MEPE: variants seen among roughly 807,000 people sequenced by gnomAD.
MEPE encodes the protein matrix, extracellular phosphoglycoprotein with ASARM motif (bone).
A neutral mutation model predicts 7.3 loss-of-function variants in MEPE; 7 were observed. The ratio of observed to expected loss-of-function variants is 0.95; its 90% CI spans 0.54 to 1.79. The LOEUF (loss-of-function observed/expected upper bound fraction) is 1.79. Among genes scored for constraint, MEPE ranks in the 40% most tolerant of loss-of-function variants. The probability of loss-of-function intolerance (pLI) is 0.00; values close to 1 mark genes in which losing one functional copy is unlikely to be tolerated. For synonymous variants in MEPE, 214 were observed against 213.1 expected, an observed-to-expected ratio of 1.00 and a Z score of -0.04; for missense variants, 623 against 628.2, an observed-to-expected ratio of 0.99 and a Z score of 0.09.
At chr4:87,840,550 A>C (rs1221429208) in intron 3 of MEPE, among the ~76,000 whole-genome samples, 1 of 152,222 alleles carries the variant, frequency 6.6e-6, no homozygotes, top group Non-Finnish European at 1.5e-5. Flanking sequence ...GGAGTTCTTA[A>C]CTGGTGTGTA....
chr4:87,832,448 T>C (rs990233183), upstream of MEPE, among the ~76,000 whole-genome samples: 1 of 152,200 alleles, frequency 6.6e-6, no homozygotes, highest in Non-Finnish European at 1.5e-5. Context: ...CTATCTAATC[T>C]ATTTAACTCA....
chr4:87,834,560 T>C (rs17013218), intron 1 of MEPE, 143 bp from the exon 2 acceptor site: 13,492 of 529,000 alleles, frequency 0.026, 1,458 homozygotes, highest in African/African-American at 0.23. Flanking sequence ...AAGTTATACA[T>C]AGTCTATACA....
intron 1 of MEPE, among the ~76,000 whole-genome samples, chr4:87,824,846 A>T (rs1401906739): frequency 2.0e-5 from 3 of 152,008 alleles, no homozygotes; most frequent in Admixed American, 6.6e-5. Flanking sequence ...CTACATATTT[A>T]TGTATTAGTT....
At chr4:87,835,515 T>C (rs1722753638) in intron 2 of MEPE, among the ~76,000 whole-genome samples, 2 of 152,288 alleles carry the variant, frequency 1.3e-5, no homozygotes, top group South Asian at 2.1e-4. Flanking sequence ...CAAATAGTCA[T>C]CCCATTGCCA....
At chr4:87,834,052 C>T (rs1020123438) in intron 1 of MEPE, among the ~76,000 whole-genome samples, 5 of 152,160 alleles carry the variant, frequency 3.3e-5, no homozygotes, top group South Asian at 2.1e-4. Flanking sequence ...GGCATAGTAA[C>T]GCCGCCTAAC....
intron 1 of MEPE, among the ~76,000 whole-genome samples, chr4:87,826,393 TTTTTG>T (rs1239298461): frequency 6.7e-6 from 1 of 149,422 alleles, no homozygotes; most frequent in Non-Finnish European, 1.5e-5. Context: ...TTTTTTTTTG[TTTTTG>T]TTTTTTGTTT....
At chr4:87,822,411 G>C (rs1265670571) in intron 1 of MEPE, among the ~76,000 whole-genome samples, 1 of 152,064 alleles carries the variant, frequency 6.6e-6, no homozygotes, top group Non-Finnish European at 1.5e-5. Context: ...AGTGGTCCCC[G>C]GGCAGCAGTG....
chr4:87,826,007 G>A (rs1014228698), intron 1 of MEPE, among the ~76,000 whole-genome samples: 1 of 152,118 alleles, frequency 6.6e-6, no homozygotes, highest in Non-Finnish European at 1.5e-5. Flanking sequence ...TCCCTGCAGA[G>A]GACATGATCT....
intron 3 of MEPE, among the ~76,000 whole-genome samples, chr4:87,842,702 GT>G (rs1020960462): frequency 2.0e-5 from 3 of 152,204 alleles, no homozygotes; most frequent in African/African-American, 7.2e-5. Flanking sequence ...TGTTGGGAGG[GT>G]TTCATAGGAA....
chr4:87,846,068 T>C lies in MEPE; in HGVS notation c.1200T>C (p.Pro400=). Residue 400 remains proline, a synonymous_variant, in exon 4 of 4, where the codon CCT becomes CCC. Transcript: ENST00000361056. The part of the protein sequence containing the change: ...AAESTNYNEI[P]KNGKGSTRKG... ...AAAGTACCAACTATAATGAAATTCC[T>C]AAAAATGGCAAAGGCAGTACCAGAA... The C allele has an allele frequency of 6.2e-7, 1 of 1,613,954 alleles. No individual in the cohort carries two copies. Among genetic ancestry groups the C allele is most frequent in the South Asian group, 1.1e-5 (1 of 91,068 alleles).
chr4:87,840,535 T>C lies in MEPE; in HGVS notation c.108+1850T>C, dbSNP rs148943149. Reference sequence around the variant, plus strand: ...TTAAAACATATCCATTTGCCAAATATATGTGGAGTTCTTAACTGGTGTGTA... The same window carrying C: ...TTAAAACATATCCATTTGCCAAATACATGTGGAGTTCTTAACTGGTGTGTA... On this transcript the variant is annotated intron_variant, in intron 3 of 3. Coordinates refer to ENST00000361056, the MANE Select transcript of MEPE (RefSeq NM_020203.6). 2.8e-4 allele frequency among the ~76,000 whole-genome samples: 43 copies of C among 152,268 alleles called. No individual in the cohort carries two copies. The East Asian group carries it at 7.7e-3, about 27-fold the overall frequency.
At chr4:87,840,338 G>A (rs545463536) in intron 3 of MEPE, among the ~76,000 whole-genome samples, 23 of 152,162 alleles carry the variant, frequency 1.5e-4, no homozygotes, top group African/African-American at 4.8e-4. Flanking sequence ...TAGATTCATC[G>A]GCCAAAGGGC....
chr4:87,825,595 T>G (rs942518489), intron 1 of MEPE, among the ~76,000 whole-genome samples: 1 of 152,254 alleles, frequency 6.6e-6, no homozygotes, highest in African/African-American at 2.4e-5. Context: ...GTCCCAGGCT[T>G]AGGCCATAAA....
chr4:87,841,818 C>T (rs1723026686), intron 3 of MEPE, among the ~76,000 whole-genome samples: 1 of 152,124 alleles, frequency 6.6e-6, no homozygotes, highest in Non-Finnish European at 1.5e-5. Flanking sequence ...CAGGGGGGTC[C>T]AGAGTTTGTC....
At chr4:87,829,835 T>G (rs1722554930), upstream of MEPE, among the ~76,000 whole-genome samples, 1 of 151,690 alleles carries the variant, frequency 6.6e-6, no homozygotes, top group South Asian at 2.1e-4. Flanking sequence ...TTCCATTCCC[T>G]TGTTAGCTCC....
intron 3 of MEPE, among the ~76,000 whole-genome samples, chr4:87,843,240 G>A (rs1475889027): frequency 1.3e-5 from 2 of 151,800 alleles, no homozygotes; most frequent in African/African-American, 4.8e-5. Flanking sequence ...TTTTTATTTT[G>A]TTAATCTCCT....
rs998475429 is a variant in MEPE, at chr4:87,846,145, G to A, written c.1277G>A (p.Arg426Lys). The A allele has an allele frequency of 1.2e-6, 2 of 1,613,956 alleles. No homozygotes were observed. The highest frequency in any genetic ancestry group is 1.7e-6 in the Non-Finnish European group (2 of 1,179,962). ...RNQATLNEKQ[R>K]FPSKGKSQGL... is the part of the protein sequence containing the mutation. Reference sequence around the variant, plus strand: ...CAAGCAACCTTAAATGAAAAACAAAGGTTTCCTAGTAAGGGCAAAAGTCAG... The same window carrying A: ...CAAGCAACCTTAAATGAAAAACAAAAGTTTCCTAGTAAGGGCAAAAGTCAG... Residue 426 changes from arginine (R) to lysine (K), a missense_variant, in exon 4 of 4, where the codon AGG (arginine) becomes AAG (lysine). Physicochemically the swap from Arg to Lys is conservative, Grantham distance 26 (BLOSUM62 2). Coordinates refer to ENST00000361056, the MANE Select transcript of MEPE (RefSeq NM_020203.6).
rs1297774046 is a variant in MEPE, at chr4:87,838,661, G to A, written c.84G>A (p.Lys28=). 6.2e-7 allele frequency: 1 copy of A among 1,613,402 alleles called. No individual in the cohort carries two copies. The highest frequency in any genetic ancestry group is 8.5e-7 in the Non-Finnish European group (1 of 1,179,618). The change falls in exon 3 of 4, where the codon AAG becomes AAA. Residue 28 remains lysine (K), a synonymous_variant. Transcript: ENST00000361056. ...PTFQPQTEKT[K]QSCVEEQRQE... ...TTCAACCACAGACTGAGAAAACTAA[G>A]CAAAGCTGTGTGGAAGAGCAGAGGG... is the stretch of plus-strand genomic sequence containing the variant.
chr4:87,824,999 C>T (rs1441842050), intron 1 of MEPE, among the ~76,000 whole-genome samples: 2 of 152,110 alleles, frequency 1.3e-5, no homozygotes, highest in African/African-American at 4.8e-5. Context: ...AGGTGTGCAC[C>T]ACCACACCAG....
Sources: allele counts gnomAD v4.1 joint callset (sites outside exome capture counted in the v4.1 genomes callset), GRCh38; gene constraint gnomAD v4.1.1; transcripts MANE v1.5; gene names NCBI Gene and HGNC (gene_info 2026-07-23, HGNC 2026-07-21).